B4GALT3: variants seen among roughly 807,000 people sequenced by gnomAD.
B4GALT3 encodes beta-1,4-galactosyltransferase 3, also known as N-acetyllactosamine synthase.
B4GALT3 carries 29 observed loss-of-function variants against 40.7 expected under a neutral mutation model. The observed-to-expected ratio is 0.71, with a 90% CI of 0.53 to 0.97. B4GALT3 has a LOEUF of 0.97. Among genes scored for constraint, B4GALT3 ranks in the 50% least tolerant of loss-of-function variants. The pLI is 0.00. For synonymous variants in B4GALT3, 182 were observed against 203.9 expected, an observed-to-expected ratio of 0.89 and a Z score of 0.92; for missense variants, 390 against 522.3, an observed-to-expected ratio of 0.75 and a Z score of 2.47.
At position 161,171,511 on chromosome 1, in the gene B4GALT3, A is replaced by T; in HGVS notation, c.*305T>A. 1.7e-6 allele frequency: 1 copy of T among 577,598 alleles called. No homozygotes were observed. 35.8% of individuals were successfully genotyped at this position (577,598 alleles called of 1,614,324 possible). A position where few individuals can be genotyped will look rare whatever the true frequency, so the allele number is the denominator to read the frequency against. ...CAGATCACTCTTCTCTCCATGGAAG[A>T]GGGAGGGGCTTGGGGTCCAGCCCTG... On this transcript the variant is annotated 3_prime_UTR_variant, in exon 8 of 8. Coordinates refer to ENST00000319769, the MANE Select transcript of B4GALT3 (RefSeq NM_003779.4).
Position 161,177,482 on chromosome 1 carries a change from C to G in B4GALT3, c.-220G>C, listed in dbSNP as rs1438447737. 1 of 170,940 alleles carries G rather than the reference C, an allele frequency of 5.9e-6. No individual in the cohort carries two copies. Among genetic ancestry groups the G allele is most frequent in the African/African-American group, 2.4e-5 (1 of 41,918 alleles). The allele number at this position is 170,940 out of a possible 1,614,324, so 10.6% of individuals were successfully genotyped here. A position where few individuals can be genotyped will look rare whatever the true frequency, so the allele number is the denominator to read the frequency against. ...AACAGCCGGGCAGGCATCGCTGCCGCCATCTTGGAAGCGGGCGCTGCGGGG... is the reference window on the plus strand; with the variant it reads ...AACAGCCGGGCAGGCATCGCTGCCGGCATCTTGGAAGCGGGCGCTGCGGGG... On this transcript the variant is annotated 5_prime_UTR_variant, in exon 1 of 8. Coordinates refer to ENST00000319769, the MANE Select transcript of B4GALT3 (RefSeq NM_003779.4).
chr1:161,176,212 G>A, intron 2 of B4GALT3, 138 bp from the exon 3 acceptor site: 2 of 936,424 alleles, frequency 2.1e-6, no homozygotes, highest in Non-Finnish European at 3.1e-6. Flanking sequence ...GAGCACACAG[G>A]TGCACAGTCA....
chr1:161,175,704 CTCT>C (rs1163690749), intron 3 of B4GALT3, 101 bp downstream of exon 3: 2 of 1,512,940 alleles, frequency 1.3e-6, no homozygotes, highest in East Asian at 4.5e-5. Flanking sequence ...CCTACCTATC[CTCT>C]TCTAAGTTCC....
chr1:161,171,670 A>G lies in B4GALT3; in HGVS notation c.*146T>C. 8.6e-7 allele frequency: 1 copy of G among 1,167,698 alleles called. No homozygotes were observed. The highest frequency in any genetic ancestry group is 1.2e-6 in the Non-Finnish European group (1 of 837,152). The allele number at this position is 1,167,698 out of a possible 1,614,324, so 72.3% of individuals were successfully genotyped here. ...GTCTACAGGAGCCCAGCTCCAGTCC[A>G]GCAGTGAGGGAGAGGCCCCTACCCC... On this transcript the variant is annotated 3_prime_UTR_variant, in exon 8 of 8. Transcript: ENST00000319769.
chr1:161,175,751 C>A, intron 3 of B4GALT3, 57 bp downstream of exon 3: 3 of 1,591,658 alleles, frequency 1.9e-6, no homozygotes, highest in Admixed American at 1.7e-5. Context: ...TATCCCCAAG[C>A]CTCCCTGTCT....
At chr1:161,174,071 C>G (rs939759237) in intron 4 of B4GALT3, 22 bp from the exon 5 acceptor site, 12 of 1,609,512 alleles carry the variant, frequency 7.5e-6, no homozygotes, top group Admixed American at 6.7e-5. Flanking sequence ...TGGAGGGGAA[C>G]CAGACTATGT....
At chr1:161,175,410 G>A (rs773628493) in intron 3 of B4GALT3, among the ~76,000 whole-genome samples, 182 bp from the exon 4 acceptor site, 2 of 152,162 alleles carry the variant, frequency 1.3e-5, no homozygotes, top group Non-Finnish European at 2.9e-5. Flanking sequence ...AGGCTGGAAG[G>A]TGCAGGATCC....
chr1:161,171,583 A>T lies in B4GALT3; in HGVS notation c.*233T>A. ...CTCCTAGGAATCGTCACATAAAATC[A>T]TGACATCAAGGATTCACAGTCATAA... On this transcript the variant is annotated 3_prime_UTR_variant, in exon 8 of 8. Coordinates refer to ENST00000319769, the MANE Select transcript of B4GALT3 (RefSeq NM_003779.4). 1 of 623,130 alleles carries T rather than the reference A, an allele frequency of 1.6e-6. No homozygotes were observed. Among genetic ancestry groups the T allele is most frequent in the South Asian group, 2.0e-5 (1 of 49,068 alleles). The allele number at this position is 623,130 out of a possible 1,614,324, so 38.6% of individuals were successfully genotyped here.
chr1:161,175,722 C>A, intron 3 of B4GALT3, 86 bp downstream of exon 3: 1 of 1,552,712 alleles, frequency 6.4e-7, no homozygotes. Context: ...AGTTCCACTT[C>A]TGCCACTCCA....
Position 161,171,779 on chromosome 1 carries a change from A to T in B4GALT3, c.*37T>A, listed in dbSNP as rs1661516662. On this transcript the variant is annotated 3_prime_UTR_variant, in exon 8 of 8. Transcript: ENST00000319769. ...GGGTGGGGAGAATACAACCCCATGA[A>T]TTCGGTTTCATGATTAAGGTAGACA... The T allele has an allele frequency of 6.2e-7, 1 of 1,609,064 alleles. No homozygotes were observed. The highest frequency in any genetic ancestry group is 8.5e-7 in the Non-Finnish European group (1 of 1,176,872).
In B4GALT3 at chr1:161,171,902, G is replaced by A. The variant is rs1322731628; in HGVS notation, c.1096C>T (p.Arg366Cys). ...GGCCGGCGTTGCAGCATCTCTTGAC[G>A]GAAGGCTTGGGAGGAACCAGGTGGG... ...RYPPGSSQAF[R>C]QEMLQRRPPA... The change falls in exon 8 of 8, where the codon CGT (arginine) becomes TGT (cysteine). Residue 366 changes from arginine to cysteine, a missense_variant. Transcript: ENST00000319769. 6.2e-6 allele frequency: 10 copies of A among 1,614,070 alleles called. No individual in the cohort carries two copies. Among genetic ancestry groups the A allele is most frequent in the Admixed American group, 1.7e-5 (1 of 60,008 alleles).
At position 161,171,498 on chromosome 1, in the gene B4GALT3, C is replaced by G; in HGVS notation, c.*318G>C. ...TCCGAGGAGAAGCCAGATCACTCTT[C>G]TCTCCATGGAAGAGGGAGGGGCTTG... is the stretch of plus-strand genomic sequence containing the variant. On this transcript the variant is annotated 3_prime_UTR_variant, in exon 8 of 8. Coordinates refer to ENST00000319769, the MANE Select transcript of B4GALT3 (RefSeq NM_003779.4). 1.7e-6 allele frequency: 1 copy of G among 580,456 alleles called. No homozygotes were observed. The allele number at this position is 580,456 out of a possible 1,614,324, so 36.0% of individuals were successfully genotyped here.
In B4GALT3 at chr1:161,173,625, C is replaced by T. The variant is rs769444059; in HGVS notation, c.783G>A (p.Glu261=). ...FPNEYWGWGG[E]DDDIATRVRL... ...CTGACCTGGTAGCAATGTCGTCATC[C>T]TCACCACCCCAGCCCCAGTATTCAT... The change falls in exon 6 of 8, where the codon GAG becomes GAA. Residue 261 remains glutamate (E), a synonymous_variant. Transcript: ENST00000319769. 5 of 1,613,998 alleles carry T rather than the reference C, an allele frequency of 3.1e-6. No individual in the cohort carries two copies. The Admixed American group carries it at 6.7e-5, about 22-fold the overall frequency.
At position 161,171,877 on chromosome 1, in the gene B4GALT3, G is replaced by A. The variant is rs775814722; in HGVS notation, c.1121C>T (p.Pro374Leu). The A allele has an allele frequency of 1.2e-6, 2 of 1,614,196 alleles. No individual in the cohort carries two copies. The highest frequency in any genetic ancestry group is 1.7e-6 in the Non-Finnish European group (2 of 1,180,026). ...AGATAGAGGCCCAGGCCTGGCTGGGGGCCGGCGTTGCAGCATCTCTTGACG... is the reference window on the plus strand; with the variant it reads ...AGATAGAGGCCCAGGCCTGGCTGGGAGCCGGCGTTGCAGCATCTCTTGACG... ...AFRQEMLQRRPPARPGPLSTA... is the reference protein window; with the variant it reads ...AFRQEMLQRRLPARPGPLSTA... Residue 374 changes from proline (P) to leucine (L), a missense_variant, in exon 8 of 8, where the codon CCC (proline) becomes CTC (leucine). Transcript: ENST00000319769.
chr1:161,171,671 G>T lies in B4GALT3; in HGVS notation c.*145C>A. 2 of 1,173,388 alleles carry T rather than the reference G, an allele frequency of 1.7e-6. No homozygotes were observed. Among genetic ancestry groups the T allele is most frequent in the Non-Finnish European group, 2.4e-6 (2 of 841,806 alleles). The allele number at this position is 1,173,388 out of a possible 1,614,324, so 72.7% of individuals were successfully genotyped here. A position where few individuals can be genotyped will look rare whatever the true frequency, so the allele number is the denominator to read the frequency against. ...TCTACAGGAGCCCAGCTCCAGTCCA[G>T]CAGTGAGGGAGAGGCCCCTACCCCC... On this transcript the variant is annotated 3_prime_UTR_variant, in exon 8 of 8. Coordinates refer to ENST00000319769, the MANE Select transcript of B4GALT3 (RefSeq NM_003779.4).
chr1:161,176,915 G>A, intron 1 of B4GALT3: 1 of 1,536,244 alleles, frequency 6.5e-7, no homozygotes, highest in Non-Finnish European at 8.7e-7. Context: ...GGAGTACCCA[G>A]GGCGAAGTAG....
rs1380532930 is a variant in B4GALT3, at chr1:161,176,017, A to G, written c.44T>C (p.Leu15Pro). ...LLERPCTLALLVGSQLAVMMY... is the reference protein window; with the variant it reads ...LLERPCTLALPVGSQLAVMMY... ...CATGACAGCCAGCTGGGAGCCCACA[A>G]GCAGGGCCAGCGTGCAAGGCCGCTC... Residue 15 changes from leucine to proline, a missense_variant, in exon 3 of 8, where the codon CTT becomes CCT. Physicochemically the swap from Leu to Pro is moderately conservative, Grantham distance 98. This residue lies in a region of B4GALT3 where 183 missense variants were observed against 223.2 expected (regional missense o/e 0.82). Coordinates refer to ENST00000319769, the MANE Select transcript of B4GALT3 (RefSeq NM_003779.4). 1 of 1,614,126 alleles carries G rather than the reference A, an allele frequency of 6.2e-7. No individual in the cohort carries two copies. Among genetic ancestry groups the G allele is most frequent in the Non-Finnish European group, 8.5e-7 (1 of 1,180,022 alleles).
Position 161,176,079 on chromosome 1 carries a change from G to A in B4GALT3, c.-14-5C>T. ...GCAACATCCTGGGGGTGAGATCTAG[G>A]GAGGGAGAGGGGAATTCTGGGGGTA... is the stretch of plus-strand genomic sequence containing the variant. On this transcript the variant is annotated splice_polypyrimidine_tract_variant and splice_region_variant and intron_variant, in intron 2 of 7. Transcript: ENST00000319769. 6.2e-7 allele frequency: 1 copy of A among 1,612,424 alleles called. No homozygotes were observed. The highest frequency in any genetic ancestry group is 1.3e-5 in the African/African-American group (1 of 74,980).
chr1:161,171,614 A>T lies in B4GALT3; in HGVS notation c.*202T>A. The T allele has an allele frequency of 1.5e-6, 1 of 671,680 alleles. No homozygotes were observed. Among genetic ancestry groups the T allele is most frequent in the Non-Finnish European group, 2.5e-6 (1 of 402,736 alleles). The allele number at this position is 671,680 out of a possible 1,614,324, so 41.6% of individuals were successfully genotyped here. A position where few individuals can be genotyped will look rare whatever the true frequency, so the allele number is the denominator to read the frequency against. ...TCAAGGATTCACAGTCATAAGCCCT[A>T]CAGGAGACCCTAGAGAGAGGGACCC... On this transcript the variant is annotated 3_prime_UTR_variant, in exon 8 of 8. Coordinates refer to ENST00000319769, the MANE Select transcript of B4GALT3 (RefSeq NM_003779.4).
Sources: allele counts gnomAD v4.1 joint callset (sites outside exome capture counted in the v4.1 genomes callset), GRCh38; gene constraint gnomAD v4.1.1; regional missense constraint gnomAD v4.1.1; transcripts MANE v1.5; gene names NCBI Gene and HGNC (gene_info 2026-07-23, HGNC 2026-07-21).